CNTN5: variants seen among roughly 807,000 people sequenced by gnomAD.
CNTN5 encodes the protein contactin 5, also known as contactin-5.
In CNTN5, 77 loss-of-function variants were observed where a neutral mutation model predicts 129.1. That is an observed-to-expected ratio of 0.60 (90% confidence interval 0.50 to 0.72). The LOEUF (loss-of-function observed/expected upper bound fraction) is 0.72, where lower values mean the gene tolerates loss of function less well. CNTN5 is among the 30% of genes least tolerant of loss of function. CNTN5 has a pLI of 0.00. For synonymous variants in CNTN5, 509 were observed against 465.6 expected (o/e 1.09, Z -1.20); for missense variants, 1,478 against 1,328.8 (o/e 1.11, Z -1.75).
chr11:99,211,878 C>T (rs1469231153), intron 1 of CNTN5, among the ~76,000 whole-genome samples: 2 of 151,892 alleles, frequency 1.3e-5, no homozygotes, highest in African/African-American at 4.8e-5. Flanking sequence ...TCTTTTACTT[C>T]TTTCATTTGT....
chr11:100,005,732 T>C (rs1391741482), intron 9 of CNTN5, among the ~76,000 whole-genome samples: 1 of 152,140 alleles, frequency 6.6e-6, no homozygotes, highest in African/African-American at 2.4e-5. Flanking sequence ...GAGAGATTTA[T>C]CATATCTATA....
At chr11:100,217,544 G>A (rs1004805446) in intron 15 of CNTN5, among the ~76,000 whole-genome samples, 3 of 152,140 alleles carry the variant, frequency 2.0e-5, no homozygotes, top group Non-Finnish European at 4.4e-5. Flanking sequence ...CAAAGCACAA[G>A]CTAATGCATA....
At chr11:99,523,653 A>ATAGAATAGAACAGAT in intron 2 of CNTN5, among the ~76,000 whole-genome samples, 1 of 88,918 alleles carries the variant, frequency 1.1e-5, no homozygotes, top group East Asian at 3.4e-4. Context: ...ATAGAATAGA[A>ATAGAATAGAACAGAT]CAGAACAGAT....
At chr11:100,101,495 T>A (rs918700905) in intron 13 of CNTN5, among the ~76,000 whole-genome samples, 1 of 152,174 alleles carries the variant, frequency 6.6e-6, no homozygotes, top group Admixed American at 6.6e-5. Context: ...ATTGCATCCC[T>A]TTAGATTCCA....
Position 99,931,326 on chromosome 11 carries a change from T to A in CNTN5, c.673+15177T>A, listed in dbSNP as rs560400087. Among the ~76,000 whole-genome samples, 5 of 152,298 alleles carry A rather than the reference T, an allele frequency of 3.3e-5. No individual in the cohort carries two copies. In the East Asian group the frequency reaches 9.6e-4, roughly 29 times the overall value. The stretch of plus-strand genomic sequence containing the variant: ...TAAACTATCTGACAAAACTTACACA[T>A]GGAAAACTAAACTATCACAAAGCAA... On this transcript the variant is annotated intron_variant, in intron 7 of 24. Transcript: ENST00000524871.
chr11:99,059,238 T>C (rs1455094038), intron 1 of CNTN5, among the ~76,000 whole-genome samples: 2 of 152,048 alleles, frequency 1.3e-5, no homozygotes, highest in Non-Finnish European at 2.9e-5. Context: ...ACTAAATGGA[T>C]GGGTAGGCCT....
intron 7 of CNTN5, among the ~76,000 whole-genome samples, chr11:99,922,564 A>G (rs1473624101): frequency 6.6e-6 from 1 of 152,220 alleles, no homozygotes; most frequent in African/African-American, 2.4e-5. Flanking sequence ...ATAGTCATGT[A>G]GATTATCATA....
intron 2 of CNTN5, among the ~76,000 whole-genome samples, chr11:99,478,942 T>A (rs1237320852): frequency 2.6e-5 from 4 of 152,186 alleles, no homozygotes; most frequent in Non-Finnish European, 5.9e-5. Flanking sequence ...AGATTCTTTT[T>A]GGTTTGTTTT....
At chr11:99,968,834 T>A (rs1951170590) in intron 8 of CNTN5, among the ~76,000 whole-genome samples, 1 of 151,876 alleles carries the variant, frequency 6.6e-6, no homozygotes, top group Non-Finnish European at 1.5e-5. Context: ...ACACTCCTAT[T>A]GGGATACATT....
chr11:99,791,099 T>C (rs1945725245), intron 3 of CNTN5, among the ~76,000 whole-genome samples: 1 of 123,388 alleles, frequency 8.1e-6, no homozygotes, highest in Non-Finnish European at 1.8e-5. Context: ...CTGTGTTGTT[T>C]ACTTTGTTGA....
At chr11:99,775,455 A>G (rs1447484583) in intron 3 of CNTN5, among the ~76,000 whole-genome samples, 1 of 152,080 alleles carries the variant, frequency 6.6e-6, no homozygotes, top group Non-Finnish European at 1.5e-5. Context: ...ATCCAGTTAA[A>G]TATAAAAATA....
intron 2 of CNTN5, among the ~76,000 whole-genome samples, chr11:99,343,194 A>C (rs1179137918): frequency 6.6e-6 from 1 of 152,136 alleles, no homozygotes; most frequent in Non-Finnish European, 1.5e-5. Context: ...GAAATGATGA[A>C]AGAAATTGAG....
chr11:99,658,737 A>T (rs896632796), intron 3 of CNTN5, among the ~76,000 whole-genome samples: 2 of 149,052 alleles, frequency 1.3e-5, no homozygotes, highest in African/African-American at 4.9e-5. Flanking sequence ...ATATATATAA[A>T]ATTAGCCAGG....
In CNTN5 at chr11:99,259,562, T is replaced by C. The variant is rs1365980005; in HGVS notation, c.-209-65784T>C. ...CAGGTTTTTCAACTGATAGGCATGG[T>C]CTTTGTTTTGACATGTTTTCTTCCT... On this transcript the variant is annotated intron_variant, in intron 1 of 24. Coordinates refer to ENST00000524871, the MANE Select transcript of CNTN5 (RefSeq NM_014361.4). 2.6e-5 allele frequency among the ~76,000 whole-genome samples: 4 copies of C among 151,858 alleles called. No individual in the cohort carries two copies. In the East Asian group the frequency reaches 5.8e-4, roughly 22 times the overall value.
At chr11:100,100,162 A>G (rs1945170751) in intron 13 of CNTN5, among the ~76,000 whole-genome samples, 1 of 152,072 alleles carries the variant, frequency 6.6e-6, no homozygotes, top group Non-Finnish European at 1.5e-5. Context: ...TTTCAAAAAG[A>G]TTGTTTCTGA....
chr11:99,365,473 G>A (rs1215788490), intron 2 of CNTN5, among the ~76,000 whole-genome samples: 1 of 152,130 alleles, frequency 6.6e-6, no homozygotes, highest in African/African-American at 2.4e-5. Context: ...CATGTGGAGA[G>A]AAGAGAAAAC....
At chr11:99,972,822 T>A (rs1234583883) in intron 8 of CNTN5, among the ~76,000 whole-genome samples, 1 of 152,172 alleles carries the variant, frequency 6.6e-6, no homozygotes, top group East Asian at 1.9e-4. Context: ...ATGATCTGTA[T>A]ACAAATTATC....
chr11:99,620,027 A>AAAAAAAAAAACAAAAACCAAAAAG (rs1950888133), intron 3 of CNTN5, among the ~76,000 whole-genome samples: 1 of 129,046 alleles, frequency 7.7e-6, no homozygotes, highest in Non-Finnish European at 1.6e-5. Flanking sequence ...CTCCGTCTCA[A>AAAAAAAAAAACAAAAACCAAAAAG]AAAAAAAAAA....
chr11:99,781,873 C>T (rs545059265), intron 3 of CNTN5, among the ~76,000 whole-genome samples: 1 of 152,206 alleles, frequency 6.6e-6, no homozygotes, highest in Admixed American at 6.5e-5. Context: ...CAATATCATA[C>T]TGAATGGGCA....
Sources: gnomAD v4.1 joint callset for allele counts (sites outside exome capture counted in the v4.1 genomes callset) on GRCh38, gnomAD v4.1.1 for gene constraint, MANE v1.5 for transcripts, NCBI Gene and HGNC (gene_info 2026-07-23, HGNC 2026-07-21) for gene names.